DOCK3: variants seen among roughly 807,000 people sequenced by gnomAD.
DOCK3 encodes dedicator of cytokinesis protein 3.
In DOCK3, 60 loss-of-function variants were observed where a neutral mutation model predicts 265.6. The observed-to-expected ratio is 0.23, with a 90% CI of 0.18 to 0.28. The LOEUF (loss-of-function observed/expected upper bound fraction) is 0.28, where lower values mean the gene tolerates loss of function less well. Among genes scored for constraint, DOCK3 ranks in the 10% least tolerant of loss-of-function variants. DOCK3 has a pLI of 1.00. For synonymous variants in DOCK3, 881 were observed against 938.0 expected (o/e 0.94, Z 1.11); for missense variants, 1,981 against 2,594.3 (o/e 0.76, Z 5.14).
chr3:50,691,833 T>C (rs529472007), intron 1 of DOCK3, among the ~76,000 whole-genome samples: 39 of 152,226 alleles, frequency 2.6e-4, no homozygotes, highest in African/African-American at 3.6e-4. Context: ...AATCTTCTCA[T>C]GTGCTTATTG....
At chr3:51,094,521 T>A (rs2082753248) in intron 9 of DOCK3, among the ~76,000 whole-genome samples, 1 of 152,170 alleles carries the variant, frequency 6.6e-6, no homozygotes, top group African/African-American at 2.4e-5. Flanking sequence ...ATATCCCCTT[T>A]ATCATTTTTT....
At chr3:50,915,716 C>T (rs2050082843) in intron 4 of DOCK3, among the ~76,000 whole-genome samples, 1 of 151,976 alleles carries the variant, frequency 6.6e-6, no homozygotes, top group South Asian at 2.1e-4. Flanking sequence ...GGTGCTTCAG[C>T]TGAGGTACTG....
intron 5 of DOCK3, among the ~76,000 whole-genome samples, chr3:51,029,350 G>C (rs937243515): frequency 6.6e-6 from 1 of 152,212 alleles, no homozygotes; most frequent in Non-Finnish European, 1.5e-5. Flanking sequence ...CACCCTCTGC[G>C]GGGCTGGAGC....
intron 2 of DOCK3, among the ~76,000 whole-genome samples, chr3:50,795,391 T>C (rs2042716208): frequency 1.3e-5 from 2 of 152,160 alleles, no homozygotes; most frequent in Non-Finnish European, 2.9e-5. Flanking sequence ...TGTCTCTTTT[T>C]TATTTTTTTG....
chr3:50,712,899 A>G (rs566032377), intron 1 of DOCK3, among the ~76,000 whole-genome samples: 2 of 152,272 alleles, frequency 1.3e-5, no homozygotes, highest in African/African-American at 2.4e-5. Flanking sequence ...CTTGATAACT[A>G]TGCTGCTGTT....
chr3:50,731,938 G>A (rs752933363), intron 1 of DOCK3, among the ~76,000 whole-genome samples: 2 of 152,038 alleles, frequency 1.3e-5, no homozygotes, highest in African/African-American at 2.4e-5. Context: ...ATTTGCAGGC[G>A]ATCATGATTA....
chr3:51,171,568 T>A (rs1015499319), intron 12 of DOCK3, among the ~76,000 whole-genome samples: 9 of 151,650 alleles, frequency 5.9e-5, no homozygotes, highest in African/African-American at 2.2e-4. Context: ...TACAGAAAAA[T>A]TAGCGGAGTG....
chr3:51,346,070 G>A (rs1243485084), intron 38 of DOCK3, among the ~76,000 whole-genome samples: 1 of 152,042 alleles, frequency 6.6e-6, no homozygotes, highest in Non-Finnish European at 1.5e-5. Context: ...ATTTTTATTA[G>A]TATTGAGAAG....
chr3:50,788,143 G>T, intron 2 of DOCK3: 1 of 766,252 alleles, frequency 1.3e-6, no homozygotes, highest in South Asian at 1.9e-5. Flanking sequence ...GTTACACTTT[G>T]GTGGACAGGT....
At chr3:51,055,372 C>T (rs2081158055) in intron 5 of DOCK3, among the ~76,000 whole-genome samples, 1 of 152,166 alleles carries the variant, frequency 6.6e-6, no homozygotes, top group East Asian at 1.9e-4. Context: ...CCCTGTTTCC[C>T]ACCCTCCTCA....
At chr3:51,152,520 C>A (rs1024933231) in intron 10 of DOCK3, among the ~76,000 whole-genome samples, 10 of 152,218 alleles carry the variant, frequency 6.6e-5, no homozygotes, top group African/African-American at 2.4e-4. Flanking sequence ...CATTCTCCGT[C>A]CTGCTTTGTT....
At chr3:50,793,254 T>C (rs989412692) in intron 2 of DOCK3, among the ~76,000 whole-genome samples, 1 of 152,158 alleles carries the variant, frequency 6.6e-6, no homozygotes, top group South Asian at 2.1e-4. Context: ...AGTGGTAATA[T>C]CCCCTTTGCT....
chr3:50,808,607 C>G (rs551562290), intron 2 of DOCK3, among the ~76,000 whole-genome samples: 27 of 152,314 alleles, frequency 1.8e-4, no homozygotes, highest in Middle Eastern at 6.8e-3. Flanking sequence ...CAGGTTGTTA[C>G]TAGAAACCAG....
intron 32 of DOCK3, among the ~76,000 whole-genome samples, chr3:51,322,364 G>A (rs1020797486): frequency 6.6e-6 from 1 of 151,896 alleles, no homozygotes; most frequent in Non-Finnish European, 1.5e-5. Flanking sequence ...CACTATGCCC[G>A]GCTAATTTTT....
chr3:50,880,450 C>T lies in DOCK3; in HGVS notation c.163-9576C>T, dbSNP rs190163816. The T allele has an allele frequency of 3.9e-3, 603 of 155,158 alleles. 3 individuals are homozygous for T. The highest frequency in any genetic ancestry group is 6.9e-3 in the Non-Finnish European group (481 of 69,568). The allele number at this position is 155,158 out of a possible 1,614,324, so 9.6% of individuals were successfully genotyped here. A position where few individuals can be genotyped will look rare whatever the true frequency, so the allele number is the denominator to read the frequency against. ...TACAAAATGATAAAGGGGATATCACCGCCGATCCCACAGAAATACAAACTA... is the reference window on the plus strand; with the variant it reads ...TACAAAATGATAAAGGGGATATCACTGCCGATCCCACAGAAATACAAACTA... On this transcript the variant is annotated intron_variant, in intron 3 of 52. Transcript: ENST00000266037.
intron 3 of DOCK3, 29 bp downstream of exon 3, chr3:50,841,744 T>TTTTTTTTTTTTTTTTTG: frequency 1.9e-6 from 1 of 520,344 alleles, no homozygotes; most frequent in Non-Finnish European, 3.1e-6. Context: ...TTACCTTTTC[T>TTTTTTTTTTTTTTTTTG]AATGTAGGAA....
chr3:50,718,542 G>C (rs745748503), intron 1 of DOCK3, among the ~76,000 whole-genome samples: 112 of 152,096 alleles, frequency 7.4e-4, no homozygotes, highest in Non-Finnish European at 1.4e-3. Context: ...TATGTCTTGT[G>C]TTGAGCATTC....
intron 5 of DOCK3, among the ~76,000 whole-genome samples, chr3:51,006,222 T>G (rs2108729143): frequency 6.8e-6 from 1 of 146,454 alleles, no homozygotes; most frequent in South Asian, 2.2e-4. Context: ...TATAAATGTT[T>G]CCTCTCACAC....
At chr3:51,016,536 G>GATATATATATTTATATATATCATATATT (rs1464797422) in intron 5 of DOCK3, among the ~76,000 whole-genome samples, 3 of 40,992 alleles carry the variant, frequency 7.3e-5, no homozygotes, top group African/African-American at 1.8e-4. Flanking sequence ...TATAATATAT[G>GATATATATATTTATATATATCATATATT]ATATATATAT....
Sources: gnomAD v4.1 joint callset for allele counts (sites outside exome capture counted in the v4.1 genomes callset) on GRCh38, gnomAD v4.1.1 for gene constraint, MANE v1.5 for transcripts, NCBI Gene and HGNC (gene_info 2026-07-23, HGNC 2026-07-21) for gene names.